The following CHRNA7 variants were observed in gnomAD, a reference collection of about 807,000 sequenced individuals.
The protein encoded by CHRNA7 is cholinergic receptor nicotinic alpha 7 subunit, also known as neuronal acetylcholine receptor subunit alpha-7.
Under a neutral mutation model 48.0 loss-of-function variants are expected in CHRNA7, and 17 were observed. The ratio of observed to expected loss-of-function variants is 0.35; its 90% CI spans 0.24 to 0.53. The LOEUF is 0.53. Among genes scored for constraint, CHRNA7 ranks in the 20% least tolerant of loss-of-function variants. The pLI, the probability that CHRNA7 is intolerant of heterozygous loss-of-function variation, is 0.92. For missense variants in CHRNA7, 155 were observed against 577.7 expected (o/e 0.27, Z 7.50); for synonymous variants, 75 against 242.3 (o/e 0.31, Z 6.41).
chr15:32,094,203 A>G (rs749722249), intron 2 of CHRNA7, among the ~76,000 whole-genome samples: 22 of 152,204 alleles, frequency 1.4e-4, no homozygotes, highest in Non-Finnish European at 1.8e-4. Flanking sequence ...TAGCTGGTGG[A>G]TGAGGCCAGG....
At chr15:32,118,199 T>G (rs2050906544) in intron 4 of CHRNA7, among the ~76,000 whole-genome samples, 1 of 152,132 alleles carries the variant, frequency 6.6e-6, no homozygotes, top group African/African-American at 2.4e-5. Context: ...GGTACCACCT[T>G]GGCACTACAG....
At chr15:32,089,862 GT>G (rs1358637928) in intron 2 of CHRNA7, among the ~76,000 whole-genome samples, 1 of 152,168 alleles carries the variant, frequency 6.6e-6, no homozygotes, top group Non-Finnish European at 1.5e-5. Flanking sequence ...TTTATTTGAT[GT>G]TTGCTATAGC....
chr15:32,035,615 C>T (rs1367585258), intron 2 of CHRNA7, among the ~76,000 whole-genome samples: 2 of 152,000 alleles, frequency 1.3e-5, no homozygotes, highest in African/African-American at 4.8e-5. Context: ...TTTGGGGGGC[C>T]CTCTGTGTAG....
At chr15:32,090,442 T>G (rs1262936302) in intron 2 of CHRNA7, among the ~76,000 whole-genome samples, 1 of 152,172 alleles carries the variant, frequency 6.6e-6, no homozygotes, top group African/African-American at 2.4e-5. Flanking sequence ...CTTCTCACTC[T>G]CATTCATTGC....
chr15:32,106,521 C>T (rs2050672195), intron 3 of CHRNA7, among the ~76,000 whole-genome samples: 2 of 152,250 alleles, frequency 1.3e-5, no homozygotes, highest in South Asian at 4.1e-4. Flanking sequence ...TCTTCATGTT[C>T]CGAGGAGGAA....
chr15:32,030,627 G>T lies in CHRNA7; in HGVS notation c.33G>T (p.Ala11=). ...GCTCGCCGGGAGGCGTCTGGCTGGCGCTGGCCGCGTCGCTCCTGCACGGTA... is the reference window on the plus strand; with the variant it reads ...GCTCGCCGGGAGGCGTCTGGCTGGCTCTGGCCGCGTCGCTCCTGCACGGTA... MRCSPGGVWL[A]LAASLLHVSL... Residue 11 remains alanine (A), a synonymous_variant, in exon 1 of 10, where the codon GCG becomes GCT. Coordinates refer to ENST00000306901, the MANE Select transcript of CHRNA7 (RefSeq NM_000746.6). 6.4e-7 allele frequency: 1 copy of T among 1,569,666 alleles called. No homozygotes were observed.
intron 2 of CHRNA7, among the ~76,000 whole-genome samples, chr15:32,094,191 G>C (rs2050428762): frequency 6.6e-6 from 1 of 152,182 alleles, no homozygotes; most frequent in African/African-American, 2.4e-5. Context: ...TGCCAAGGTG[G>C]CTAGCTGGTG....
chr15:32,070,115 T>C (rs1440907169), intron 2 of CHRNA7, among the ~76,000 whole-genome samples: 1 of 152,326 alleles, frequency 6.6e-6, no homozygotes, highest in East Asian at 1.9e-4. Context: ...CTATATAGTT[T>C]AAGTATACAG....
At chr15:32,114,934 G>A (rs964391717) in intron 4 of CHRNA7, among the ~76,000 whole-genome samples, 9 of 152,210 alleles carry the variant, frequency 5.9e-5, no homozygotes, top group Non-Finnish European at 1.0e-4. Flanking sequence ...TGGGGACGCC[G>A]GCCCTGGCAG....
At chr15:32,075,007 A>C (rs959319447) in intron 2 of CHRNA7, among the ~76,000 whole-genome samples, 5 of 152,046 alleles carry the variant, frequency 3.3e-5, no homozygotes, top group Admixed American at 6.6e-5. Flanking sequence ...TGCCTTTTCT[A>C]TTTAAGTTTT....
At chr15:32,045,593 G>A (rs1364836652) in intron 2 of CHRNA7, among the ~76,000 whole-genome samples, 1 of 151,704 alleles carries the variant, frequency 6.6e-6, no homozygotes, top group Non-Finnish European at 1.5e-5. Flanking sequence ...CTGGCATATG[G>A]TGGCACAGTC....
intron 2 of CHRNA7, among the ~76,000 whole-genome samples, chr15:32,076,154 G>C (rs1387390855): frequency 3.3e-5 from 5 of 152,086 alleles, no homozygotes; most frequent in Non-Finnish European, 7.4e-5. Context: ...GTTCATTGGG[G>C]TGTTGTGTAA....
chr15:32,134,043 G>A (rs2051201835), intron 4 of CHRNA7, among the ~76,000 whole-genome samples: 1 of 152,210 alleles, frequency 6.6e-6, no homozygotes, highest in African/African-American at 2.4e-5. Context: ...TGTGAGGCCA[G>A]GTGTGCAGGC....
rs1160769340 is a variant in CHRNA7, at chr15:32,149,681, A to G, written c.351-4226A>G. Among the ~76,000 whole-genome samples, 1 of 152,208 alleles carries G rather than the reference A, an allele frequency of 6.6e-6. No homozygotes were observed. The highest frequency in any genetic ancestry group is 1.5e-5 in the Non-Finnish European group (1 of 68,040). The stretch of plus-strand genomic sequence containing the variant: ...ATTTTGATAACATTTATGTGTTACA[A>G]TTTCATGTAGCTCAATATTCTGTTT... On this transcript the variant is annotated intron_variant, in intron 4 of 9. Transcript: ENST00000306901. This position sits in a 1 kb window ranked among gnomAD's most constrained non-coding sequence, Gnocchi z 4.6.
intron 3 of CHRNA7, among the ~76,000 whole-genome samples, chr15:32,109,637 G>A (rs970817356): frequency 1.3e-5 from 2 of 152,186 alleles, no homozygotes; most frequent in Non-Finnish European, 2.9e-5. Context: ...AGATCAGTTT[G>A]CTTAAAGTCA....
chr15:32,077,471 G>T (rs1006906436), intron 2 of CHRNA7, among the ~76,000 whole-genome samples: 1 of 152,128 alleles, frequency 6.6e-6, no homozygotes, highest in Non-Finnish European at 1.5e-5. Flanking sequence ...TGTTGCCAGT[G>T]TTCTGGATTG....
chr15:32,032,842 C>T (rs932939654), intron 2 of CHRNA7, among the ~76,000 whole-genome samples: 2 of 152,256 alleles, frequency 1.3e-5, no homozygotes, highest in African/African-American at 4.8e-5. Flanking sequence ...AGAGACCACT[C>T]GCGGAGAAGC....
Sources: gnomAD v4.1 joint callset for allele counts (sites outside exome capture counted in the v4.1 genomes callset) on GRCh38, gnomAD v4.1.1 for gene constraint, Gnocchi (gnomAD v3.1) non-coding constraint, MANE v1.5 for transcripts, NCBI Gene and HGNC (gene_info 2026-07-23, HGNC 2026-07-21) for gene names.